Variants in KATNA1 observed in about 807,000 individuals in gnomAD.
KATNA1 encodes katanin catalytic subunit A1.
KATNA1 carries 42 observed loss-of-function variants against 62.6 expected under a neutral mutation model. The observed-to-expected ratio is 0.67, with a 90% CI of 0.52 to 0.87. KATNA1 has a LOEUF of 0.87. Ranked by LOEUF, KATNA1 falls within the 40% of genes least tolerant of loss-of-function variation. KATNA1 has a pLI of 0.00. For missense variants in KATNA1, 498 were observed against 612.5 expected, an observed-to-expected ratio of 0.81 and a Z score of 1.97; for synonymous variants, 186 against 201.9, an observed-to-expected ratio of 0.92 and a Z score of 0.67.
intron 4 of KATNA1, among the ~76,000 whole-genome samples, chr6:149,618,062 G>A: frequency 6.7e-6 from 1 of 149,216 alleles, no homozygotes; most frequent in South Asian, 2.1e-4. Context: ...GGCTGAGGCA[G>A]GAGGATCGCT....
In KATNA1 at chr6:149,633,392, C is replaced by T. The variant is rs534658949; in HGVS notation, c.163-476G>A. Among the ~76,000 whole-genome samples the T allele has an allele frequency of 2.2e-4, 33 of 152,182 alleles. No homozygotes were observed. The Middle Eastern group carries it at 0.01, about 47-fold the overall frequency. On this transcript the variant is annotated intron_variant, in intron 2 of 10. Transcript: ENST00000367411. ...AAAATGCTGGGATTACAGGCGTGAG[C>T]CACTGCGCTCGGCCCTCAATTGCAA...
intron 1 of KATNA1, among the ~76,000 whole-genome samples, chr6:149,645,397 C>T (rs1015083332): frequency 2.7e-5 from 4 of 150,860 alleles, no homozygotes; most frequent in Admixed American, 6.6e-5. Flanking sequence ...GAGCCAAGCT[C>T]GCGCCACTGC....
intron 10 of KATNA1, among the ~76,000 whole-genome samples, chr6:149,596,718 T>C (rs1778329330): frequency 6.6e-6 from 1 of 152,064 alleles, no homozygotes; most frequent in Non-Finnish European, 1.5e-5. Context: ...GGAACCACCA[T>C]GCCCGGCTAA....
chr6:149,604,460 T>C (rs1388427522), intron 5 of KATNA1, among the ~76,000 whole-genome samples: 1 of 152,142 alleles, frequency 6.6e-6, no homozygotes, highest in Non-Finnish European at 1.5e-5. Context: ...AGTGAGACCC[T>C]GTCTCTAAAA....
intron 4 of KATNA1, among the ~76,000 whole-genome samples, chr6:149,621,999 C>A (rs1027465165): frequency 1.3e-5 from 2 of 151,780 alleles, no homozygotes; most frequent in Non-Finnish European, 2.9e-5. Context: ...TCTGACCTAG[C>A]GGGGACAGAA....
intron 3 of KATNA1, 25 bp from the exon 4 acceptor site, chr6:149,623,308 A>G (rs1562293247): frequency 1.3e-6 from 2 of 1,540,876 alleles, no homozygotes; most frequent in Non-Finnish European, 8.7e-7. Flanking sequence ...ACTCATTAAT[A>G]TCATAATCAA....
chr6:149,603,746 A>C (rs1420639212), intron 5 of KATNA1, among the ~76,000 whole-genome samples: 1 of 152,216 alleles, frequency 6.6e-6, no homozygotes, highest in East Asian at 1.9e-4. Context: ...AAAAAGCATA[A>C]AGAATAAAAA....
chr6:149,601,832 A>G lies in KATNA1; in HGVS notation c.730-80T>C. ...ATAAAAGTGTCATTACTAAGTAGCA[A>G]ATTTCGACCAACTTATATATAATAT... On this transcript the variant is annotated intron_variant, in intron 6 of 10. Transcript: ENST00000367411. The G allele has an allele frequency of 1.8e-6, 2 of 1,085,152 alleles. 1 individual carries two copies. The highest frequency in any genetic ancestry group is 5.4e-5 in the South Asian group (2 of 37,304). The allele number at this position is 1,085,152 out of a possible 1,614,324, so 67.2% of individuals were successfully genotyped here. A position where few individuals can be genotyped will look rare whatever the true frequency, so the allele number is the denominator to read the frequency against.
chr6:149,597,001 C>G, intron 10 of KATNA1, 62 bp downstream of exon 10: 1 of 1,576,610 alleles, frequency 6.3e-7, no homozygotes, highest in Non-Finnish European at 8.6e-7. Context: ...AAAACAAAAC[C>G]AAAAAACTTC....
intron 10 of KATNA1, among the ~76,000 whole-genome samples, chr6:149,596,025 T>C (rs774412571): frequency 3.3e-5 from 5 of 152,204 alleles, no homozygotes; most frequent in Non-Finnish European, 7.3e-5. Flanking sequence ...TTCACAGTCA[T>C]TTCGTATTTT....
At chr6:149,629,724 A>G (rs1476913662) in intron 3 of KATNA1, among the ~76,000 whole-genome samples, 2 of 152,234 alleles carry the variant, frequency 1.3e-5, no homozygotes, top group Admixed American at 6.5e-5. Context: ...TAATGAAAAA[A>G]GAAGGGAAAA....
At chr6:149,642,744 T>A (rs563360816) in intron 1 of KATNA1, among the ~76,000 whole-genome samples, 14 of 152,344 alleles carry the variant, frequency 9.2e-5, no homozygotes, top group Admixed American at 7.2e-4. Context: ...AAATACTCAT[T>A]TTTAAAGGAT....
intron 10 of KATNA1, among the ~76,000 whole-genome samples, chr6:149,596,107 T>A (rs1778300894): frequency 6.6e-6 from 1 of 152,238 alleles, no homozygotes; most frequent in South Asian, 2.1e-4. Flanking sequence ...TTTTACACAA[T>A]TTATCCTAAC....
chr6:149,599,755 T>C (rs945596528), intron 7 of KATNA1, among the ~76,000 whole-genome samples: 7 of 152,022 alleles, frequency 4.6e-5, no homozygotes, highest in Admixed American at 1.3e-4. Flanking sequence ...TGACCTCAAG[T>C]GATCTGCCCG....
intron 4 of KATNA1, among the ~76,000 whole-genome samples, chr6:149,620,124 G>A (rs912444396): frequency 1.3e-5 from 2 of 152,136 alleles, no homozygotes; most frequent in Non-Finnish European, 2.9e-5. Flanking sequence ...CACTCATGAC[G>A]AAGCTAAAAA....
At chr6:149,627,354 T>C (rs959027211) in intron 3 of KATNA1, among the ~76,000 whole-genome samples, 49 of 151,612 alleles carry the variant, frequency 3.2e-4, no homozygotes, top group African/African-American at 1.1e-3. Context: ...TCACTTGAAG[T>C]CAGGAGTTCG....
intron 10 of KATNA1, 65 bp from the exon 11 acceptor site, chr6:149,595,299 T>C: frequency 3.0e-6 from 4 of 1,339,866 alleles, no homozygotes; most frequent in Non-Finnish European, 4.2e-6. Flanking sequence ...GAAAACCTGT[T>C]AATAGAAAAA....
At chr6:149,616,674 A>T (rs1779178766) in intron 4 of KATNA1, among the ~76,000 whole-genome samples, 1 of 152,196 alleles carries the variant, frequency 6.6e-6, no homozygotes, top group African/African-American at 2.4e-5. Flanking sequence ...GAATCACTTG[A>T]ACCCGGTAAG....
intron 4 of KATNA1, among the ~76,000 whole-genome samples, chr6:149,621,269 G>A (rs1487107229): frequency 2.0e-5 from 3 of 151,100 alleles, no homozygotes; most frequent in Non-Finnish European, 2.9e-5. Flanking sequence ...GACTACAGGC[G>A]CCTGCCACCT....
Sources: gnomAD v4.1 joint callset for allele counts (sites outside exome capture counted in the v4.1 genomes callset) on GRCh38, gnomAD v4.1.1 for gene constraint, MANE v1.5 for transcripts, NCBI Gene and HGNC (gene_info 2026-07-23, HGNC 2026-07-21) for gene names.